The following CMC1 variants were observed in gnomAD, a reference collection of about 807,000 sequenced individuals.
The protein encoded by CMC1 is C-X9-C motif containing 1.
In CMC1, 14 loss-of-function variants were observed where a neutral mutation model predicts 14.1. The observed-to-expected ratio is 0.99, with a 90% confidence interval of 0.66 to 1.55. CMC1 has a LOEUF of 1.55. CMC1 is among the 40% of genes most tolerant of loss of function. The pLI is 0.00. For missense variants in CMC1, 127 were observed against 123.8 expected (o/e 1.03, Z -0.12); for synonymous variants, 50 against 38.4 (o/e 1.30, Z -1.12).
At chr3:28,268,979 TAAG>T (rs1577012765) in intron 2 of CMC1, among the ~76,000 whole-genome samples, 1 of 152,330 alleles carries the variant, frequency 6.6e-6, no homozygotes, top group African/African-American at 2.4e-5. Flanking sequence ...GTTAGTATAA[TAAG>T]ATATTTATAG....
chr3:28,320,333 CT>C lies in CMC1; in HGVS notation c.*706del, dbSNP rs1703145488. The C allele has an allele frequency of 6.6e-6, 1 of 151,448 alleles. No individual in the cohort carries two copies. The highest frequency in any genetic ancestry group is 1.5e-5 in the Non-Finnish European group (1 of 67,652). The allele number at this position is 151,448 out of a possible 1,614,324, so 9.4% of individuals were successfully genotyped here. A position where few individuals can be genotyped will look rare whatever the true frequency, so the allele number is the denominator to read the frequency against. The stretch of plus-strand genomic sequence containing the variant: ...AGTTCTGGAGTTTATTTGCCAGCAG[CT>C]TCTGGCAAGGGTTTTCATACTGCAT... On this transcript the variant is annotated 3_prime_UTR_variant, in exon 4 of 4. Transcript: ENST00000466830.
At chr3:28,247,749 C>T (rs558830322) in intron 1 of CMC1, among the ~76,000 whole-genome samples, 53 of 152,184 alleles carry the variant, frequency 3.5e-4, no homozygotes, top group Non-Finnish European at 6.5e-4. Context: ...CACATGTATA[C>T]ATACACACAG....
chr3:28,265,791 A>G (rs1699978646), intron 2 of CMC1, among the ~76,000 whole-genome samples: 1 of 152,236 alleles, frequency 6.6e-6, no homozygotes, highest in South Asian at 2.1e-4. Flanking sequence ...ATTGACAGCT[A>G]CACTTCCTAT....
rs1698532374 is a variant in CMC1 at position 28,241,817 on chromosome 3, C to T, written c.19+5C>T. ...AGATGGCGCTCGACCCCGCAGGTACCGGGGCGGGAAGCGGGGTTTGCCGAG... is the reference window on the plus strand; with the variant it reads ...AGATGGCGCTCGACCCCGCAGGTACTGGGGCGGGAAGCGGGGTTTGCCGAG... On this transcript the variant is annotated splice_donor_5th_base_variant and intron_variant, in intron 1 of 3. Coordinates refer to ENST00000466830, the MANE Select transcript of CMC1 (RefSeq NM_182523.2). The T allele has an allele frequency of 8.1e-7, 1 of 1,239,122 alleles. No individual in the cohort carries two copies. The highest frequency in any genetic ancestry group is 3.2e-5 in the East Asian group (1 of 31,678). 76.8% of individuals were successfully genotyped at this position (1,239,122 alleles called of 1,614,324 possible). A position where few individuals can be genotyped will look rare whatever the true frequency, so the allele number is the denominator to read the frequency against.
At chr3:28,300,609 TCCTC>T (rs1165616648) in intron 2 of CMC1, among the ~76,000 whole-genome samples, 48 of 90,042 alleles carry the variant, frequency 5.3e-4, no homozygotes, top group East Asian at 2.1e-3. Context: ...CTTCCTTCCT[TCCTC>T]CCTCCCTCCC....
chr3:28,317,418 G>T (rs905139682), intron 3 of CMC1: 1 of 151,920 alleles, frequency 6.6e-6, no homozygotes, highest in Non-Finnish European at 1.5e-5. Flanking sequence ...CCATATAGGA[G>T]TAAAAGTTCA....
At chr3:28,266,163 A>T (rs974290460) in intron 2 of CMC1, among the ~76,000 whole-genome samples, 7 of 152,226 alleles carry the variant, frequency 4.6e-5, no homozygotes, top group Non-Finnish European at 1.0e-4. Flanking sequence ...TACTTAATGT[A>T]CACTGAATTA....
intron 1 of CMC1, among the ~76,000 whole-genome samples, chr3:28,256,721 C>A (rs1034250416): frequency 6.6e-6 from 1 of 152,134 alleles, no homozygotes; most frequent in Non-Finnish European, 1.5e-5. Flanking sequence ...TAGGCAAACA[C>A]CGACATGGTG....
At chr3:28,318,639 G>A (rs1048755231) in intron 3 of CMC1, 1 of 152,080 alleles carries the variant, frequency 6.6e-6, no homozygotes, top group African/African-American at 2.4e-5. Flanking sequence ...CAGTAGTCTA[G>A]TATCTACAGT....
chr3:28,244,470 T>C (rs1002443659), intron 1 of CMC1, among the ~76,000 whole-genome samples: 5 of 152,164 alleles, frequency 3.3e-5, no homozygotes, highest in African/African-American at 9.7e-5. Context: ...GCTCATGCCC[T>C]TAATCCCAGT....
At chr3:28,261,693 T>C (rs749426298) in intron 1 of CMC1, among the ~76,000 whole-genome samples, 3 of 152,106 alleles carry the variant, frequency 2.0e-5, no homozygotes, top group Non-Finnish European at 4.4e-5. Flanking sequence ...TCACTAAATT[T>C]GATGAGTAGT....
chr3:28,317,496 A>C (rs541571386), intron 3 of CMC1: 3 of 152,212 alleles, frequency 2.0e-5, no homozygotes, highest in African/African-American at 7.2e-5. Flanking sequence ...TGAGTAAACG[A>C]ATCTCTTAAA....
intron 2 of CMC1, among the ~76,000 whole-genome samples, chr3:28,305,890 A>G (rs929407843): frequency 3.7e-5 from 5 of 134,566 alleles, no homozygotes; most frequent in African/African-American, 1.4e-4. Context: ...ATGGAGTTTC[A>G]TTCTTTTGCA....
intron 3 of CMC1, 180 bp downstream of exon 3, chr3:28,316,603 T>C (rs1702938128): frequency 2.5e-6 from 1 of 392,208 alleles, no homozygotes; most frequent in Non-Finnish European, 4.6e-6. Context: ...AAAGAGTCTT[T>C]TCAAATTTTC....
rs1056777769 is a variant in CMC1 at position 28,263,878 on chromosome 3, G to T, written c.109+498G>T. ...TTTTGTTTTATGTTTCTAAGTGGAA[G>T]ATATTTATGTAAATACATACACTAG... On this transcript the variant is annotated intron_variant, in intron 2 of 3. Coordinates refer to ENST00000466830, the MANE Select transcript of CMC1 (RefSeq NM_182523.2). Among the ~76,000 whole-genome samples the T allele has an allele frequency of 2.6e-5, 4 of 152,074 alleles. No individual in the cohort carries two copies. In the East Asian group the frequency reaches 7.7e-4, roughly 29 times the overall value.
chr3:28,272,836 C>G (rs748996905), intron 2 of CMC1, among the ~76,000 whole-genome samples: 2 of 152,102 alleles, frequency 1.3e-5, no homozygotes, highest in Admixed American at 6.5e-5. Context: ...AGGTGCCCAC[C>G]ACCACGCCTG....
intron 1 of CMC1, among the ~76,000 whole-genome samples, chr3:28,247,585 T>G (rs181286324): frequency 6.6e-6 from 1 of 152,346 alleles, no homozygotes; most frequent in Non-Finnish European, 1.5e-5. Flanking sequence ...GTTGCAGATG[T>G]GAATGCTCCA....
chr3:28,305,778 A>ATT (rs1559440588), intron 2 of CMC1, among the ~76,000 whole-genome samples: 1 of 79,054 alleles, frequency 1.3e-5, no homozygotes, highest in Non-Finnish European at 2.3e-5. Flanking sequence ...TTTTCATAGG[A>ATT]ATTTTTTTTT....
intron 2 of CMC1, among the ~76,000 whole-genome samples, chr3:28,289,619 A>T (rs1236905649): frequency 2.6e-5 from 4 of 152,060 alleles, no homozygotes; most frequent in African/African-American, 7.2e-5. Flanking sequence ...CAGAAACTTA[A>T]CGTTAGATGA....
Sources: gnomAD v4.1 joint callset for allele counts (sites outside exome capture counted in the v4.1 genomes callset) on GRCh38, gnomAD v4.1.1 for gene constraint, MANE v1.5 for transcripts, NCBI Gene and HGNC (gene_info 2026-07-23, HGNC 2026-07-21) for gene names.